SAMD4A: variants seen among roughly 807,000 people sequenced by gnomAD.
SAMD4A encodes the protein sterile alpha motif domain containing 4A.
In SAMD4A, 33 loss-of-function variants were observed where a neutral mutation model predicts 81.3. The observed-to-expected ratio is 0.41, with a 90% CI of 0.31 to 0.54. The LOEUF is 0.54. Among genes scored for constraint, SAMD4A ranks in the 20% least tolerant of loss-of-function variants. The probability of loss-of-function intolerance (pLI) is 0.37; values close to 1 mark genes in which losing one functional copy is unlikely to be tolerated. For missense variants in SAMD4A, 854 were observed against 951.1 expected (o/e 0.90, Z 1.34); for synonymous variants, 389 against 382.1 (o/e 1.02, Z -0.21).
At chr14:54,694,671 G>T (rs898984978) in intron 2 of SAMD4A, 3 of 985,400 alleles carry the variant, frequency 3.0e-6, no homozygotes, top group African/African-American at 3.5e-5. Context: ...AGCTGGCCTG[G>T]TTTTTGTGCC....
At chr14:54,698,822 G>T (rs2036637857) in intron 2 of SAMD4A, among the ~76,000 whole-genome samples, 1 of 152,152 alleles carries the variant, frequency 6.6e-6, no homozygotes, top group African/African-American at 2.4e-5. Flanking sequence ...TGCTATGCTT[G>T]TTCCTCCTCT....
At position 54,737,131 on chromosome 14, in the gene SAMD4A, G is replaced by T; in HGVS notation, c.823G>T (p.Asp275Tyr). ...PLGHGWMSHEDLRARGPQCLP... is the reference protein window; with the variant it reads ...PLGHGWMSHEYLRARGPQCLP... ...AGGACATGGATGGATGTCTCATGAGGACTTACGAGCTAGAGGACCCCAGTG... is the reference window on the plus strand; with the variant it reads ...AGGACATGGATGGATGTCTCATGAGTACTTACGAGCTAGAGGACCCCAGTG... Residue 275 changes from aspartate (D) to tyrosine (Y), a missense_variant, in exon 4 of 13, where the codon GAC becomes TAC. By Grantham distance (160) the Asp-to-Tyr change is radical. Transcript: ENST00000554335. 2 of 1,614,112 alleles carry T rather than the reference G, an allele frequency of 1.2e-6. No homozygotes were observed. The highest frequency in any genetic ancestry group is 8.5e-7 in the Non-Finnish European group (1 of 1,180,014).
intron 3 of SAMD4A, among the ~76,000 whole-genome samples, chr14:54,728,066 G>A (rs562248083): frequency 3.2e-4 from 49 of 152,260 alleles, no homozygotes; most frequent in African/African-American, 9.2e-4. Flanking sequence ...AAGCTGGAAC[G>A]GTCCTGGGCG....
chr14:54,591,932 C>T (rs969122576), intron 2 of SAMD4A, among the ~76,000 whole-genome samples: 1 of 152,056 alleles, frequency 6.6e-6, no homozygotes, highest in African/African-American at 2.4e-5. Context: ...TATGTCTCAC[C>T]ACTCTTCTCC....
chr14:54,753,031 A>G (rs879261381), intron 6 of SAMD4A, among the ~76,000 whole-genome samples: 14 of 152,234 alleles, frequency 9.2e-5, no homozygotes, highest in Non-Finnish European at 2.9e-5. Context: ...TTTTTCTCCT[A>G]TATCAGAATT....
intron 2 of SAMD4A, among the ~76,000 whole-genome samples, chr14:54,673,353 C>G (rs74049549): frequency 0.015 from 2,285 of 152,336 alleles, 51 homozygotes; most frequent in African/African-American, 0.052. Context: ...ATAGTCCTGG[C>G]TCCTACCTTG....
chr14:54,653,555 G>T (rs1380070448), intron 2 of SAMD4A, among the ~76,000 whole-genome samples: 1 of 151,846 alleles, frequency 6.6e-6, no homozygotes, highest in Non-Finnish European at 1.5e-5. Context: ...GGCCAGGCTG[G>T]TCTTGAACTC....
At chr14:54,582,381 G>A (rs895475471) in intron 2 of SAMD4A, among the ~76,000 whole-genome samples, 4 of 152,140 alleles carry the variant, frequency 2.6e-5, no homozygotes, top group Admixed American at 1.3e-4. Flanking sequence ...GGCGAATGGC[G>A]TCCATCAGCT....
rs1265993110 is a variant in SAMD4A at position 54,748,056 on chromosome 14, C to T, written c.980-759C>T. The stretch of plus-strand genomic sequence containing the variant: ...GAACTTCCATTATCCTATGGCCTAG[C>T]CAATCTTTGGGCCTTTCAAGTCCTG... On this transcript the variant is annotated intron_variant, in intron 4 of 12. Coordinates refer to ENST00000554335, the MANE Select transcript of SAMD4A (RefSeq NM_015589.6). 2.0e-5 allele frequency among the ~76,000 whole-genome samples: 3 copies of T among 152,162 alleles called. No homozygotes were observed. In the East Asian group the frequency reaches 5.8e-4, roughly 29 times the overall value.
At chr14:54,655,690 A>G (rs1421268162) in intron 2 of SAMD4A, among the ~76,000 whole-genome samples, 4 of 152,232 alleles carry the variant, frequency 2.6e-5, no homozygotes, top group African/African-American at 9.6e-5. Flanking sequence ...ATGAGCCAAG[A>G]TCATGCCATT....
Position 54,758,023 on chromosome 14 carries a change from G to A in SAMD4A, c.1177-2138G>A, listed in dbSNP as rs374908766. On this transcript the variant is annotated intron_variant, in intron 6 of 12. Transcript: ENST00000554335. ...GGGTCTACCGTGGGCAGCAGGGAAGGAGTGATCAGGATCACGCCTGACTCC... is the reference window on the plus strand; with the variant it reads ...GGGTCTACCGTGGGCAGCAGGGAAGAAGTGATCAGGATCACGCCTGACTCC... Among the ~76,000 whole-genome samples the A allele has an allele frequency of 3.3e-5, 5 of 152,290 alleles. No individual in the cohort carries two copies. The East Asian group carries it at 5.8e-4, about 18-fold the overall frequency.
chr14:54,753,266 G>A (rs957849800), intron 6 of SAMD4A, among the ~76,000 whole-genome samples: 9 of 152,260 alleles, frequency 5.9e-5, no homozygotes, highest in Non-Finnish European at 1.0e-4. Context: ...ACAATACCCC[G>A]CTTTCAAGGA....
intron 11 of SAMD4A, among the ~76,000 whole-genome samples, chr14:54,776,855 AGTGTGT>A (rs34095224): frequency 0.34 from 51,261 of 149,846 alleles, 8,981 homozygotes; most frequent in East Asian, 0.51. Flanking sequence ...CTCCATGTGT[AGTGTGT>A]GTGTGTGTGT....
rs573313348 is a variant in SAMD4A, at chr14:54,717,027, A to C, written c.715+14447A>C. ...ATTGCCCTGGGTCTGCATCCAATGCATGTGTTGGGAGAATGCTCAAGACTG... is the reference window on the plus strand; with the variant it reads ...ATTGCCCTGGGTCTGCATCCAATGCCTGTGTTGGGAGAATGCTCAAGACTG... On this transcript the variant is annotated intron_variant, in intron 3 of 12. Coordinates refer to ENST00000554335, the MANE Select transcript of SAMD4A (RefSeq NM_015589.6). 1.7e-3 allele frequency among the ~76,000 whole-genome samples: 255 copies of C among 152,296 alleles called. 1 individual carries two copies. Among genetic ancestry groups the C allele is most frequent in the African/African-American group, 6.0e-3 (248 of 41,568 alleles).
At chr14:54,614,061 G>A (rs959719667) in intron 2 of SAMD4A, among the ~76,000 whole-genome samples, 3 of 152,192 alleles carry the variant, frequency 2.0e-5, no homozygotes, top group African/African-American at 7.2e-5. Flanking sequence ...ATTTCTGTGA[G>A]CCTGGATTTT....
chr14:54,678,691 G>GGC (rs1295290430), intron 2 of SAMD4A, among the ~76,000 whole-genome samples: 2 of 151,930 alleles, frequency 1.3e-5, no homozygotes, highest in Non-Finnish European at 2.9e-5. Context: ...TGGGACTACA[G>GGC]GCGCCCGCCA....
chr14:54,617,860 T>TA (rs1367121411), intron 2 of SAMD4A, among the ~76,000 whole-genome samples: 3 of 152,248 alleles, frequency 2.0e-5, no homozygotes, highest in African/African-American at 7.2e-5. Context: ...AGCCGTGATA[T>TA]AAATTGTTTT....
At chr14:54,684,830 C>T (rs926286985) in intron 2 of SAMD4A, among the ~76,000 whole-genome samples, 1 of 152,240 alleles carries the variant, frequency 6.6e-6, no homozygotes, top group African/African-American at 2.4e-5. Flanking sequence ...AGCAGGCCTG[C>T]TCTGTGCAGC....
intron 2 of SAMD4A, among the ~76,000 whole-genome samples, chr14:54,671,794 TG>T (rs1341960363): frequency 6.6e-6 from 1 of 152,060 alleles, no homozygotes; most frequent in Non-Finnish European, 1.5e-5. Flanking sequence ...AATCAAAGCT[TG>T]GATTATCAGG....
Sources: allele counts gnomAD v4.1 joint callset (sites outside exome capture counted in the v4.1 genomes callset), GRCh38; gene constraint gnomAD v4.1.1; transcripts MANE v1.5; gene names NCBI Gene and HGNC (gene_info 2026-07-23, HGNC 2026-07-21).